NYAP2: variants seen among roughly 807,000 people sequenced by gnomAD.
NYAP2 encodes the protein neuronal tyrosine-phosphorylated phosphoinositide-3-kinase adaptor 2.
Under a neutral mutation model 50.4 loss-of-function variants are expected in NYAP2, and 23 were observed. The ratio of observed to expected loss-of-function variants is 0.46; its 90% CI spans 0.33 to 0.65. The LOEUF (loss-of-function observed/expected upper bound fraction) is 0.65. NYAP2 is among the 30% of genes least tolerant of loss of function. The probability of loss-of-function intolerance (pLI) is 0.02; values close to 1 mark genes in which losing one functional copy is unlikely to be tolerated. For synonymous variants in NYAP2, 394 were observed against 365.2 expected (o/e 1.08, Z -0.90); for missense variants, 885 against 861.0 (o/e 1.03, Z -0.35).
chr2:225,496,078 G>T (rs147250506), intron 3 of NYAP2, among the ~76,000 whole-genome samples: 346 of 152,306 alleles, frequency 2.3e-3, no homozygotes, highest in Middle Eastern at 0.01. Flanking sequence ...AGGAAGACAA[G>T]ATTTACAGCA....
At chr2:225,590,057 C>A (rs774154551) in intron 5 of NYAP2, among the ~76,000 whole-genome samples, 30 of 152,200 alleles carry the variant, frequency 2.0e-4, no homozygotes, top group Admixed American at 6.5e-5. Context: ...ATACCTGAAG[C>A]CACCTCAGAG....
intron 3 of NYAP2, among the ~76,000 whole-genome samples, chr2:225,510,895 A>T (rs1690800993): frequency 6.6e-6 from 1 of 152,130 alleles, no homozygotes; most frequent in Non-Finnish European, 1.5e-5. Flanking sequence ...AGCAGACTAA[A>T]TTGTCAGTCC....
chr2:225,537,313 T>C (rs1247291671), intron 4 of NYAP2, among the ~76,000 whole-genome samples: 7 of 151,978 alleles, frequency 4.6e-5, no homozygotes, highest in African/African-American at 1.5e-4. Context: ...GTATCTCACT[T>C]TTTTTTATGT....
At chr2:225,487,944 G>A (rs1178008797) in intron 3 of NYAP2, among the ~76,000 whole-genome samples, 1 of 152,120 alleles carries the variant, frequency 6.6e-6, no homozygotes, top group Non-Finnish European at 1.5e-5. Flanking sequence ...TATGGCATTG[G>A]CTGAAGCTTA....
intron 3 of NYAP2, among the ~76,000 whole-genome samples, chr2:225,510,536 T>A (rs989222105): frequency 6.6e-6 from 1 of 152,248 alleles, no homozygotes; most frequent in African/African-American, 2.4e-5. Flanking sequence ...AGTTGTATGC[T>A]GCATTTCACA....
intron 5 of NYAP2, among the ~76,000 whole-genome samples, chr2:225,618,876 C>G (rs1411956615): frequency 6.6e-6 from 1 of 152,116 alleles, no homozygotes; most frequent in Non-Finnish European, 1.5e-5. Flanking sequence ...TTTGCCTTAA[C>G]ACAAAGAAGA....
the NYAP2 span, among the ~76,000 whole-genome samples, chr2:225,680,263 ATGTG>A: frequency 6.6e-6 from 1 of 152,176 alleles, no homozygotes; most frequent in Non-Finnish European, 1.5e-5. Context: ...GCAGAATGTA[ATGTG>A]TTTCTTAAGT....
chr2:225,555,221 T>TA (rs1691756844), intron 4 of NYAP2, among the ~76,000 whole-genome samples: 1 of 152,174 alleles, frequency 6.6e-6, no homozygotes, highest in Non-Finnish European at 1.5e-5. Context: ...AAAATAAATA[T>TA]AGGCTAGGGT....
intron 3 of NYAP2, among the ~76,000 whole-genome samples, chr2:225,485,589 C>T (rs184576661): frequency 6.6e-6 from 1 of 152,130 alleles, no homozygotes; most frequent in East Asian, 1.9e-4. Context: ...GGGGAGGAGC[C>T]AGAGATTATT....
chr2:225,672,013 C>T, the NYAP2 span, among the ~76,000 whole-genome samples: 23 of 151,978 alleles, frequency 1.5e-4, no homozygotes, highest in South Asian at 6.2e-4. Context: ...TTCTAGAGCA[C>T]AGGCAGAGTA....
intron 4 of NYAP2, among the ~76,000 whole-genome samples, chr2:225,553,724 G>A (rs1362064007): frequency 6.6e-6 from 1 of 152,146 alleles, no homozygotes; most frequent in African/African-American, 2.4e-5. Flanking sequence ...ACCTGGAGAA[G>A]TATATCAACT....
intron 4 of NYAP2, among the ~76,000 whole-genome samples, chr2:225,573,629 G>A (rs1275063208): frequency 6.6e-6 from 1 of 152,114 alleles, no homozygotes; most frequent in African/African-American, 2.4e-5. Context: ...GACAATGGCT[G>A]GGGCCTCTTA....
At chr2:225,473,483 T>A (rs1344214177) in intron 3 of NYAP2, among the ~76,000 whole-genome samples, 1 of 152,252 alleles carries the variant, frequency 6.6e-6, no homozygotes, top group African/African-American at 2.4e-5. Flanking sequence ...GTTTCCTGAC[T>A]TTTTAATGAT....
At chr2:225,551,550 TA>T (rs965837818) in intron 4 of NYAP2, among the ~76,000 whole-genome samples, 4 of 152,190 alleles carry the variant, frequency 2.6e-5, no homozygotes, top group African/African-American at 9.7e-5. Context: ...TGTTGAGCCA[TA>T]AAGTTATGGG....
intron 3 of NYAP2, among the ~76,000 whole-genome samples, chr2:225,420,672 G>A (rs947192143): frequency 3.3e-5 from 5 of 150,694 alleles, no homozygotes; most frequent in East Asian, 2.0e-4. Flanking sequence ...GTGCAGTGAC[G>A]TGATCTCATC....
Position 225,651,412 on chromosome 2 carries a change from C to CT in NYAP2, c.1829-15dup. On this transcript the variant is annotated intron_variant, in intron 6 of 6. Coordinates refer to ENST00000636099, the Ensembl canonical transcript of NYAP2. ...AGATGTCAGTCAGCTAATATTGTGT[C>CT]TTTTTCCGCTTGTTTCCAGAGCCTA... 6.2e-7 allele frequency: 1 copy of CT among 1,613,916 alleles called. No homozygotes were observed. Among genetic ancestry groups the CT allele is most frequent in the Non-Finnish European group, 8.5e-7 (1 of 1,179,826 alleles).
chr2:225,546,690 C>G (rs1691591041), intron 4 of NYAP2, among the ~76,000 whole-genome samples: 1 of 152,172 alleles, frequency 6.6e-6, no homozygotes, highest in East Asian at 1.9e-4. Flanking sequence ...CAACTGTGGC[C>G]AAGCTGGCAC....
rs149492228 is a variant in NYAP2, at chr2:225,507,247, T to C, written c.222-6124T>C. On this transcript the variant is annotated intron_variant, in intron 3 of 6. Coordinates refer to ENST00000636099, the Ensembl canonical transcript of NYAP2. ...GCAAAGAAAACTCTACTACAAAATA[T>C]TGACATGTTTGCCTCAAAACTGCAT... 4.4e-3 allele frequency among the ~76,000 whole-genome samples: 664 copies of C among 152,302 alleles called. 8 individuals are homozygous for C. Among genetic ancestry groups the C allele is most frequent in the African/African-American group, 0.015 (638 of 41,556 alleles).
chr2:225,627,255 C>T, intron 6 of NYAP2, 129 bp downstream of exon 6: 1 of 710,960 alleles, frequency 1.4e-6, no homozygotes, highest in East Asian at 2.7e-5. Context: ...CACAAGTAAC[C>T]ATTCACGTAG....
Sources: allele counts gnomAD v4.1 joint callset (sites outside exome capture counted in the v4.1 genomes callset), GRCh38; gene constraint gnomAD v4.1.1; transcripts MANE v1.5; gene names NCBI Gene and HGNC (gene_info 2026-07-23, HGNC 2026-07-21).